The following CELF4 variants were observed in gnomAD, a reference collection of about 807,000 sequenced individuals.
The protein encoded by CELF4 is CUG-BP- and ETR-3-like factor 4.
A neutral mutation model predicts 59.9 loss-of-function variants in CELF4; 18 were observed. The observed-to-expected ratio is 0.30, with a 90% CI of 0.21 to 0.45. The LOEUF is 0.45. Among genes scored for constraint, CELF4 ranks in the 20% least tolerant of loss-of-function variants. The probability of loss-of-function intolerance (pLI) is 1.00; values close to 1 mark genes in which losing one functional copy is unlikely to be tolerated. For synonymous variants in CELF4, 261 were observed against 267.1 expected (o/e 0.98, Z 0.22); for missense variants, 456 against 689.0 (o/e 0.66, Z 3.79).
At chr18:37,501,933 T>A (rs1384899910) in intron 1 of CELF4, among the ~76,000 whole-genome samples, 3 of 152,144 alleles carry the variant, frequency 2.0e-5, no homozygotes, top group East Asian at 1.9e-4. Context: ...GGTTCTCTTC[T>A]GGGGAAGCTG....
chr18:37,461,502 C>A (rs946127546), intron 2 of CELF4, among the ~76,000 whole-genome samples: 3 of 152,190 alleles, frequency 2.0e-5, no homozygotes, highest in African/African-American at 7.2e-5. Context: ...TGAGGGGAAC[C>A]GCCCCCATGA....
In CELF4 at chr18:37,266,579, C is replaced by T. The variant is rs41474344; in HGVS notation, c.1119G>A (p.Ala373=). 110 of 1,594,896 alleles carry T rather than the reference C, an allele frequency of 6.9e-5. No individual in the cohort carries two copies. The highest frequency in any genetic ancestry group is 8.1e-5 in the Non-Finnish European group (95 of 1,172,208). Residue 373 remains alanine, a synonymous_variant, in exon 9 of 13, where the codon GCG becomes GCA. Transcript: ENST00000420428. ...HPYPAQSPTA[A]DPLQQAYAGV... ...CGGCGTAGGCCTGCTGCAGGGGGTC[C>T]GCGGCGGTGGGGCTCTGTGCTGTAG... is the stretch of plus-strand genomic sequence containing the variant.
At chr18:37,511,263 G>T (rs754096692) in intron 1 of CELF4, among the ~76,000 whole-genome samples, 19 of 152,138 alleles carry the variant, frequency 1.2e-4, no homozygotes, top group South Asian at 2.1e-4. Context: ...CAGGCTCTTT[G>T]TTCGGTCAGG....
chr18:37,352,067 C>T (rs530329769), intron 2 of CELF4, among the ~76,000 whole-genome samples: 121 of 152,186 alleles, frequency 8.0e-4, no homozygotes, highest in Non-Finnish European at 1.6e-3. Context: ...ACAGTTTAAA[C>T]GAGGGATGCA....
intron 2 of CELF4, among the ~76,000 whole-genome samples, chr18:37,443,425 T>C (rs1233505407): frequency 2.0e-5 from 3 of 152,250 alleles, no homozygotes; most frequent in East Asian, 3.9e-4. Context: ...ATAAAGGCCC[T>C]GGGCTGGCAG....
In CELF4 at chr18:37,462,106, C is replaced by T. The variant is rs190127914; in HGVS notation, c.369+23419G>A. 3.9e-5 allele frequency among the ~76,000 whole-genome samples: 6 copies of T among 152,292 alleles called. No homozygotes were observed. The East Asian group carries it at 1.2e-3, about 29-fold the overall frequency. On this transcript the variant is annotated intron_variant, in intron 2 of 12. Coordinates refer to ENST00000420428, the MANE Select transcript of CELF4 (RefSeq NM_020180.4). ...GGAGAGTAGGTGATAAGCTTCACCC[C>T]ACCGTGAGCCCTGCTGACTCCCTGG...
At chr18:37,501,095 G>T (rs1431837139) in intron 1 of CELF4, among the ~76,000 whole-genome samples, 1 of 152,232 alleles carries the variant, frequency 6.6e-6, no homozygotes, top group East Asian at 1.9e-4. Context: ...GGACTGGAGT[G>T]AGAGAAGGTG....
At chr18:37,454,576 C>T (rs1045181277) in intron 2 of CELF4, among the ~76,000 whole-genome samples, 3 of 152,166 alleles carry the variant, frequency 2.0e-5, no homozygotes, top group East Asian at 3.9e-4. Flanking sequence ...TTCACACCCC[C>T]GCAATAAGCA....
At chr18:37,495,370 T>C (rs759731493) in intron 1 of CELF4, among the ~76,000 whole-genome samples, 29 of 152,150 alleles carry the variant, frequency 1.9e-4, no homozygotes, top group Non-Finnish European at 3.5e-4. Flanking sequence ...TCCAACAGCT[T>C]CTGAGCCTCT....
intron 1 of CELF4, among the ~76,000 whole-genome samples, chr18:37,539,952 T>C (rs1008989329): frequency 3.9e-5 from 6 of 152,306 alleles, no homozygotes; most frequent in East Asian, 1.9e-4. Context: ...AGCTGGACAA[T>C]AGACATAGCT....
chr18:37,282,356 G>A (rs532798787), intron 3 of CELF4, among the ~76,000 whole-genome samples: 1 of 152,254 alleles, frequency 6.6e-6, no homozygotes, highest in African/African-American at 2.4e-5. Context: ...TACATGGGTT[G>A]TGCAAAAACA....
At chr18:37,562,804 T>C (rs1011898688) in intron 1 of CELF4, among the ~76,000 whole-genome samples, 6 of 152,194 alleles carry the variant, frequency 3.9e-5, no homozygotes, top group Non-Finnish European at 8.8e-5. Context: ...TTCAGCTCTC[T>C]GAGAGCTTGC....
intron 2 of CELF4, among the ~76,000 whole-genome samples, chr18:37,454,029 A>G (rs904931732): frequency 1.3e-5 from 2 of 152,110 alleles, no homozygotes; most frequent in African/African-American, 4.8e-5. Context: ...GCCTTCTCCA[A>G]TGAGCCAGCA....
intron 1 of CELF4, among the ~76,000 whole-genome samples, chr18:37,546,960 G>C (rs1304132544): frequency 6.6e-6 from 1 of 152,118 alleles, no homozygotes; most frequent in African/African-American, 2.4e-5. Flanking sequence ...AGTCAGTACT[G>C]CGAAAGAAGG....
chr18:37,395,247 G>A (rs942429573), intron 2 of CELF4, among the ~76,000 whole-genome samples: 3 of 152,012 alleles, frequency 2.0e-5, no homozygotes, highest in East Asian at 1.9e-4. Flanking sequence ...TACAACCCAC[G>A]GTCCTGGTGA....
At chr18:37,551,587 G>A (rs1317685811) in intron 1 of CELF4, among the ~76,000 whole-genome samples, 11 of 152,180 alleles carry the variant, frequency 7.2e-5, no homozygotes, top group Admixed American at 7.2e-4. Context: ...GAGGGTGCAG[G>A]AAGATTCCAG....
intron 1 of CELF4, among the ~76,000 whole-genome samples, chr18:37,534,358 C>T (rs889607312): frequency 4.6e-5 from 7 of 152,150 alleles, no homozygotes; most frequent in African/African-American, 1.7e-4. Context: ...CTCCCTCTTC[C>T]TCTGGGTGGG....
chr18:37,364,817 G>C (rs1482253894), intron 2 of CELF4, among the ~76,000 whole-genome samples: 1 of 152,202 alleles, frequency 6.6e-6, no homozygotes, highest in East Asian at 1.9e-4. Flanking sequence ...TGGGAAAATA[G>C]AAAGAACAGA....
At chr18:37,481,978 T>C (rs1369511476) in intron 2 of CELF4, among the ~76,000 whole-genome samples, 1 of 152,232 alleles carries the variant, frequency 6.6e-6, no homozygotes, top group Non-Finnish European at 1.5e-5. Context: ...TGAGGCAATG[T>C]AGGTAAAGTG....
Sources: allele counts gnomAD v4.1 joint callset (sites outside exome capture counted in the v4.1 genomes callset), GRCh38; gene constraint gnomAD v4.1.1; transcripts MANE v1.5; gene names NCBI Gene and HGNC (gene_info 2026-07-23, HGNC 2026-07-21).